Variants in JAK1 observed in about 807,000 individuals in gnomAD.
The protein encoded by JAK1 is tyrosine-protein kinase JAK1.
JAK1 carries 16 observed loss-of-function variants against 136.6 expected under a neutral mutation model. That is an observed-to-expected ratio of 0.12 (90% CI 0.08 to 0.18). The LOEUF (loss-of-function observed/expected upper bound fraction) is 0.18. Among genes scored for constraint, JAK1 ranks in the 10% least tolerant of loss-of-function variants. The probability of loss-of-function intolerance (pLI) is 1.00; values close to 1 mark genes in which losing one functional copy is unlikely to be tolerated. For missense variants in JAK1, 859 were observed against 1,450.1 expected (o/e 0.59, Z 6.62); for synonymous variants, 492 against 519.5 (o/e 0.95, Z 0.72).
chr1:64,890,344 G>A (rs1644916450), intron 1 of JAK1, among the ~76,000 whole-genome samples: 1 of 151,808 alleles, frequency 6.6e-6, no homozygotes, highest in South Asian at 2.1e-4. Flanking sequence ...AAAGATGAAG[G>A]TACAAAGTAA....
chr1:64,894,527 G>C (rs1031355691), intron 1 of JAK1, among the ~76,000 whole-genome samples: 19 of 152,194 alleles, frequency 1.2e-4, no homozygotes, highest in African/African-American at 1.9e-4. Context: ...GGGACGCCAA[G>C]GTGGGCGGAT....
At chr1:65,053,546 A>G (rs2100866938) in intron 1 of JAK1, among the ~76,000 whole-genome samples, 1 of 152,228 alleles carries the variant, frequency 6.6e-6, no homozygotes, top group Non-Finnish European at 1.5e-5. Context: ...AAAGAAATAT[A>G]CTCACTTAAG....
intron 2 of JAK1, among the ~76,000 whole-genome samples, chr1:65,009,714 A>C (rs894548275): frequency 3.3e-5 from 5 of 152,196 alleles, no homozygotes; most frequent in African/African-American, 1.2e-4. Context: ...CAAAGACCCT[A>C]TCAGATAAAT....
chr1:65,053,560 A>G (rs525563), intron 1 of JAK1, among the ~76,000 whole-genome samples: 127,289 of 152,238 alleles, frequency 0.84, 53,351 homozygotes, highest in South Asian at 0.93. Context: ...ACTTAAGAAC[A>G]GGATAGACAA....
chr1:64,843,515 A>T (rs963610675), intron 17 of JAK1, among the ~76,000 whole-genome samples: 1 of 152,152 alleles, frequency 6.6e-6, no homozygotes, highest in African/African-American at 2.4e-5. Flanking sequence ...AATGAGGGTA[A>T]TGACACCATC....
intron 2 of JAK1, among the ~76,000 whole-genome samples, chr1:65,039,160 T>C (rs1209962770): frequency 1.3e-5 from 2 of 152,194 alleles, no homozygotes; most frequent in Non-Finnish European, 2.9e-5. Flanking sequence ...GGAAAGTGTT[T>C]TGAACAGTAA....
intron 17 of JAK1, 142 bp downstream of exon 17, chr1:64,843,922 G>A: frequency 1.2e-6 from 1 of 849,454 alleles, no homozygotes. Context: ...CATTTGTGAG[G>A]TCACACACCC....
At chr1:64,885,231 T>G (rs1570705498) in intron 2 of JAK1, among the ~76,000 whole-genome samples, 2 of 152,118 alleles carry the variant, frequency 1.3e-5, no homozygotes, top group East Asian at 3.9e-4. Context: ...CAAGACCACT[T>G]GAAAACCCAG....
chr1:64,871,755 C>T (rs536115496), intron 5 of JAK1, among the ~76,000 whole-genome samples: 1 of 152,352 alleles, frequency 6.6e-6, no homozygotes, highest in East Asian at 1.9e-4. Context: ...TTTTGCTCCA[C>T]TGCCACTGTT....
At chr1:64,956,126 G>A (rs188249204) in intron 1 of JAK1, among the ~76,000 whole-genome samples, 83 of 152,370 alleles carry the variant, frequency 5.4e-4, no homozygotes, top group Admixed American at 2.4e-3. Context: ...TACAATAGCA[G>A]ATTCAGTACT....
At chr1:64,849,669 G>C (rs915346341) in intron 12 of JAK1, among the ~76,000 whole-genome samples, 4 of 152,260 alleles carry the variant, frequency 2.6e-5, no homozygotes, top group African/African-American at 4.8e-5. Context: ...ATCGTGCCTC[G>C]CACGTGTAAT....
chr1:65,054,934 C>T (rs866439486), intron 1 of JAK1, among the ~76,000 whole-genome samples: 10 of 152,172 alleles, frequency 6.6e-5, no homozygotes, highest in Admixed American at 1.3e-4. Flanking sequence ...TATCTTCACA[C>T]GGAAAACTAA....
At chr1:64,878,460 A>G (rs1239056997) in intron 4 of JAK1, among the ~76,000 whole-genome samples, 1 of 151,888 alleles carries the variant, frequency 6.6e-6, no homozygotes, top group Non-Finnish European at 1.5e-5. Context: ...AGGCCAACCT[A>G]GAATTTCTAG....
intron 2 of JAK1, among the ~76,000 whole-genome samples, chr1:65,033,725 CAA>C (rs10700479): frequency 4.1e-4 from 37 of 89,190 alleles, no homozygotes; most frequent in East Asian, 2.4e-3. Flanking sequence ...CCCGTAGTAC[CAA>C]AAAAAAAAAA....
chr1:64,833,259 G>T lies in JAK1; in HGVS notation c.*1303C>A. On this transcript the variant is annotated 3_prime_UTR_variant, in exon 25 of 25. Coordinates refer to ENST00000342505, the MANE Select transcript of JAK1 (RefSeq NM_002227.4). ...TCTTTAGTATATTTATTTGTATAAA[G>T]AGTAAACAAAGTGCATATAGAGTGG... The T allele has an allele frequency of 4.4e-6, 1 of 227,978 alleles. No individual in the cohort carries two copies. The allele number at this position is 227,978 out of a possible 1,614,324, so 14.1% of individuals were successfully genotyped here. A position where few individuals can be genotyped will look rare whatever the true frequency, so the allele number is the denominator to read the frequency against.
chr1:64,982,100 A>G (rs12072692), intron 2 of JAK1, among the ~76,000 whole-genome samples: 5 of 145,922 alleles, frequency 3.4e-5, no homozygotes, highest in Admixed American at 7.0e-5. Context: ...ACACACACAC[A>G]CGCACACACA....
Position 64,834,563 on chromosome 1 carries a change from T to C in JAK1, c.3464A>G (p.Ter1155=), listed in dbSNP as rs776142077. ...LIEGFEALLK[*] ...GAATTTAAATGTTATTCATGCTTCT[T>C]ATTTTAAAAGTGCTTCAAATCCTTC... The change falls in exon 25 of 25, where the codon TAA becomes TGA. Residue 1155 remains the stop codon, a stop_retained_variant. Coordinates refer to ENST00000342505, the MANE Select transcript of JAK1 (RefSeq NM_002227.4). 2.5e-6 allele frequency: 4 copies of C among 1,586,638 alleles called. No individual in the cohort carries two copies. Among genetic ancestry groups the C allele is most frequent in the Admixed American group, 1.7e-5 (1 of 59,682 alleles).
chr1:64,964,439 A>G (rs888663530), intron 1 of JAK1, among the ~76,000 whole-genome samples: 2 of 152,266 alleles, frequency 1.3e-5, no homozygotes, highest in African/African-American at 4.8e-5. Flanking sequence ...TTCAGTCGGA[A>G]GTATATGGCT....
intron 2 of JAK1, chr1:64,985,264 G>C: frequency 6.2e-7 from 1 of 1,607,774 alleles, no homozygotes; most frequent in Non-Finnish European, 8.5e-7. Flanking sequence ...TGCTGAGAGA[G>C]CTGGAGCATG....
Sources: gnomAD v4.1 joint callset for allele counts (sites outside exome capture counted in the v4.1 genomes callset) on GRCh38, gnomAD v4.1.1 for gene constraint, MANE v1.5 for transcripts, NCBI Gene and HGNC (gene_info 2026-07-23, HGNC 2026-07-21) for gene names.